Variants in ELOC observed in about 807,000 individuals in gnomAD.
ELOC encodes the protein elongin-C.
For missense variants in ELOC, 38 were observed against 139.0 expected, an observed-to-expected ratio of 0.27 and a Z score of 3.65; for synonymous variants, 40 against 51.3, an observed-to-expected ratio of 0.78 and a Z score of 0.94.
chr8:73,963,646 A>G (rs1337601341), intron 1 of ELOC, among the ~76,000 whole-genome samples: 2 of 152,216 alleles, frequency 1.3e-5, no homozygotes, highest in Non-Finnish European at 2.9e-5. Context: ...GTCTTTTTAC[A>G]TTGGCTATTT....
At chr8:73,964,801 A>G (rs1814855916) in intron 1 of ELOC, among the ~76,000 whole-genome samples, 1 of 152,210 alleles carries the variant, frequency 6.6e-6, no homozygotes, top group Non-Finnish European at 1.5e-5. Context: ...AGGCAAGCTG[A>G]CTGTTTGAAC....
chr8:73,945,231 C>CCT lies in ELOC; in HGVS notation c.*1397_*1398dup, dbSNP rs1813315539. 6.6e-6 allele frequency: 1 copy of CCT among 151,302 alleles called. No individual in the cohort carries two copies. Among genetic ancestry groups the CCT allele is most frequent in the South Asian group, 2.1e-4 (1 of 4,794 alleles). 9.4% of individuals were successfully genotyped at this position (151,302 alleles called of 1,614,324 possible). The stretch of plus-strand genomic sequence containing the variant: ...CTCCCAGGTTCAAGCGATTCTCATG[C>CCT]CTCAGCCTCACAAGTAGCTGGGATT... On this transcript the variant is annotated 3_prime_UTR_variant, in exon 4 of 4. Transcript: ENST00000520242.
intron 1 of ELOC, among the ~76,000 whole-genome samples, chr8:73,968,488 A>G (rs1342226448): frequency 6.6e-6 from 1 of 152,230 alleles, no homozygotes; most frequent in African/African-American, 2.4e-5. Context: ...TTATAAGCAG[A>G]TATTCCCAAC....
chr8:73,971,574 A>AC (rs1815405623), intron 1 of ELOC, among the ~76,000 whole-genome samples: 1 of 151,950 alleles, frequency 6.6e-6, no homozygotes, highest in African/African-American at 2.4e-5. Flanking sequence ...TTCAGACAAG[A>AC]CTGGACGGCC....
chr8:73,960,128 T>A (rs1814491388), intron 1 of ELOC, among the ~76,000 whole-genome samples: 2 of 152,192 alleles, frequency 1.3e-5, no homozygotes, highest in Admixed American at 1.3e-4. Flanking sequence ...TGTGACATGT[T>A]AAAAGTAACA....
chr8:73,971,481 C>A (rs1165291750), intron 1 of ELOC, among the ~76,000 whole-genome samples: 2 of 152,102 alleles, frequency 1.3e-5, no homozygotes, highest in African/African-American at 4.8e-5. Flanking sequence ...ATGGCACAAA[C>A]TCCACAGTTA....
chr8:73,955,281 C>A (rs1814084552), intron 3 of ELOC, among the ~76,000 whole-genome samples: 1 of 152,056 alleles, frequency 6.6e-6, no homozygotes, highest in Non-Finnish European at 1.5e-5. Flanking sequence ...CCAGCCTGGC[C>A]AACATGGTGA....
chr8:73,971,708 A>T (rs2131217514), intron 1 of ELOC, among the ~76,000 whole-genome samples: 1 of 152,124 alleles, frequency 6.6e-6, no homozygotes, highest in South Asian at 2.1e-4. Context: ...TGGGCTAGGG[A>T]CTGACTTCAA....
intron 1 of ELOC, among the ~76,000 whole-genome samples, chr8:73,964,015 C>T (rs1481738285): frequency 7.0e-6 from 1 of 143,698 alleles, no homozygotes; most frequent in African/African-American, 2.6e-5. Flanking sequence ...ATGGCTTGAA[C>T]CCAGGAGGCG....
intron 1 of ELOC, among the ~76,000 whole-genome samples, chr8:73,967,671 T>G (rs894819496): frequency 3.9e-5 from 6 of 152,066 alleles, no homozygotes; most frequent in Non-Finnish European, 8.8e-5. Flanking sequence ...GTTTCACCAT[T>G]TGGTCAGGCT....
At chr8:73,967,973 T>A (rs1174035266) in intron 1 of ELOC, among the ~76,000 whole-genome samples, 1 of 152,106 alleles carries the variant, frequency 6.6e-6, no homozygotes, top group Non-Finnish European at 1.5e-5. Context: ...AGCAGTAGAA[T>A]CCCAAACCCT....
At chr8:73,957,750 A>C (rs1286128498) in intron 2 of ELOC, among the ~76,000 whole-genome samples, 3 of 151,392 alleles carry the variant, frequency 2.0e-5, no homozygotes, top group African/African-American at 7.3e-5. Flanking sequence ...TAAAATTTTT[A>C]TCCATCCATC....
chr8:73,970,486 T>C (rs1047475342), intron 1 of ELOC: 11 of 152,162 alleles, frequency 7.2e-5, no homozygotes, highest in Admixed American at 4.6e-4. Flanking sequence ...TCAAATTTCA[T>C]ATTTAAGAAA....
At chr8:73,959,740 A>G in intron 2 of ELOC, 25 bp downstream of exon 2, 2 of 1,545,406 alleles carry the variant, frequency 1.3e-6, no homozygotes, top group Non-Finnish European at 1.7e-6. Flanking sequence ...TAGTTAAAAC[A>G]CAAAATTAAT....
At chr8:73,957,172 CAAA>C (rs75391050) in intron 2 of ELOC, among the ~76,000 whole-genome samples, 8 of 128,642 alleles carry the variant, frequency 6.2e-5, no homozygotes, top group Admixed American at 1.5e-4. Flanking sequence ...GACCCTGTCT[CAAA>C]AAAAAAAAAA....
intron 3 of ELOC, among the ~76,000 whole-genome samples, chr8:73,951,675 AC>A (rs1294565247): frequency 6.6e-6 from 1 of 151,724 alleles, no homozygotes; most frequent in African/African-American, 2.4e-5. Flanking sequence ...AACAACAACA[AC>A]AACAAAACAA....
chr8:73,961,429 G>C (rs778399319), intron 1 of ELOC, among the ~76,000 whole-genome samples: 1 of 152,182 alleles, frequency 6.6e-6, no homozygotes, highest in Non-Finnish European at 1.5e-5. Flanking sequence ...ATTTGTTTCA[G>C]GTAGCGACAG....
At chr8:73,951,773 T>G (rs1586595398) in intron 3 of ELOC, among the ~76,000 whole-genome samples, 1 of 152,160 alleles carries the variant, frequency 6.6e-6, no homozygotes, top group African/African-American at 2.4e-5. Flanking sequence ...CCTCATACTT[T>G]CTGATTTTGA....
intron 3 of ELOC, among the ~76,000 whole-genome samples, chr8:73,947,437 G>GA (rs1813452413): frequency 6.6e-6 from 1 of 152,162 alleles, no homozygotes; most frequent in African/African-American, 2.4e-5. Context: ...AGAATTGTGA[G>GA]AAAATAAAGT....
Sources: allele counts gnomAD v4.1 joint callset (sites outside exome capture counted in the v4.1 genomes callset), GRCh38; gene constraint gnomAD v4.1.1; transcripts MANE v1.5; gene names NCBI Gene and HGNC (gene_info 2026-07-23, HGNC 2026-07-21).